The following SLC24A2 variants were observed in gnomAD, a reference collection of about 807,000 sequenced individuals.
SLC24A2 encodes the protein solute carrier family 24 member 2.
SLC24A2 carries 36 observed loss-of-function variants against 62.0 expected under a neutral mutation model. The ratio of observed to expected loss-of-function variants is 0.58; its 90% CI spans 0.44 to 0.77. The LOEUF (loss-of-function observed/expected upper bound fraction) is 0.77, where lower values mean the gene tolerates loss of function less well. SLC24A2 is among the 30% of genes least tolerant of loss of function. The pLI, the probability that SLC24A2 is intolerant of heterozygous loss-of-function variation, is 0.00. For synonymous variants in SLC24A2, 358 were observed against 294.0 expected (o/e 1.22, Z -2.23); for missense variants, 846 against 817.9 (o/e 1.03, Z -0.42).
the SLC24A2 span, among the ~76,000 whole-genome samples, chr9:20,288,738 T>G: frequency 8.2e-6 from 1 of 121,770 alleles, no homozygotes. Context: ...TGAGACTCTG[T>G]CTCAAAAAAA....
the SLC24A2 span, among the ~76,000 whole-genome samples, chr9:20,094,323 C>T: frequency 6.2e-3 from 944 of 152,272 alleles, 5 homozygotes; most frequent in Admixed American, 0.011. Context: ...GAACAACTAA[C>T]AGATAAACTA....
At chr9:19,532,282 G>C (rs765145735) in intron 8 of SLC24A2, among the ~76,000 whole-genome samples, 1 of 152,000 alleles carries the variant, frequency 6.6e-6, no homozygotes, top group Non-Finnish European at 1.5e-5. Context: ...TTTTAGTAGA[G>C]ACAGGGTTTC....
At chr9:20,018,731 G>A in the SLC24A2 span, among the ~76,000 whole-genome samples, 1 of 152,030 alleles carries the variant, frequency 6.6e-6, no homozygotes, top group African/African-American at 2.4e-5. Context: ...TCCCCTGATT[G>A]AGGTAGGTAT....
chr9:19,573,603 C>G, intron 6 of SLC24A2, 134 bp from the exon 7 acceptor site: 1 of 779,024 alleles, frequency 1.3e-6, no homozygotes, highest in South Asian at 1.4e-5. Flanking sequence ...AAAGAGTTTC[C>G]TAAAATGTTG....
chr9:19,850,204 A>T, the SLC24A2 span, among the ~76,000 whole-genome samples: 22 of 152,228 alleles, frequency 1.4e-4, no homozygotes, highest in South Asian at 1.7e-3. Flanking sequence ...TTTAAATTAC[A>T]TTTAATATGA....
the SLC24A2 span, among the ~76,000 whole-genome samples, chr9:19,910,215 A>G: frequency 2.0e-5 from 3 of 152,022 alleles, no homozygotes; most frequent in Non-Finnish European, 4.4e-5. Flanking sequence ...GTGCCATCCT[A>G]TCATCGAAGC....
rs554665858 is a variant in SLC24A2, at chr9:19,573,252, G to A, written c.1347+99C>T. On this transcript the variant is annotated intron_variant, in intron 7 of 10. Transcript: ENST00000341998. Reference sequence around the variant, plus strand: ...GGCCCTACCTGATTCCTGCCCAGCTGAGAGCTGGGGCTTCCAAGGAGAATA... The same window carrying A: ...GGCCCTACCTGATTCCTGCCCAGCTAAGAGCTGGGGCTTCCAAGGAGAATA... 7.3e-6 allele frequency: 6 copies of A among 825,222 alleles called. No individual in the cohort carries two copies. The East Asian group carries it at 1.0e-4, about 14-fold the overall frequency. The allele number at this position is 825,222 out of a possible 1,614,324, so 51.1% of individuals were successfully genotyped here. A position where few individuals can be genotyped will look rare whatever the true frequency, so the allele number is the denominator to read the frequency against.
rs945001839 is a variant in SLC24A2 at position 19,715,036 on chromosome 9, C to T, written c.930+70901G>A. Among the ~76,000 whole-genome samples, 21 of 152,074 alleles carry T rather than the reference C, an allele frequency of 1.4e-4. 1 individual carries two copies. The highest frequency in any genetic ancestry group is 4.6e-4 in the African/African-American group (19 of 41,482). ...TTCTAAGGTGCCTCAACCTTTCCCC[C>T]TAACTCCATCCTTACCACCACCACC... On this transcript the variant is annotated intron_variant, in intron 2 of 10. Transcript: ENST00000341998.
At chr9:19,770,622 G>A (rs1822657572) in intron 2 of SLC24A2, among the ~76,000 whole-genome samples, 2 of 152,124 alleles carry the variant, frequency 1.3e-5, no homozygotes, top group African/African-American at 4.8e-5. Flanking sequence ...ACTTCCTGAT[G>A]GAGAAAATTG....
At chr9:19,648,964 G>C (rs1036311435) in intron 2 of SLC24A2, among the ~76,000 whole-genome samples, 3 of 142,358 alleles carry the variant, frequency 2.1e-5, no homozygotes, top group African/African-American at 5.2e-5. Context: ...TCCAAAATGA[G>C]AGGGCTTAGT....
intron 2 of SLC24A2, among the ~76,000 whole-genome samples, chr9:19,754,671 G>A (rs1417156622): frequency 6.7e-6 from 1 of 149,708 alleles, no homozygotes; most frequent in East Asian, 2.0e-4. Flanking sequence ...TTAATAACCT[G>A]TGGTGTTTTG....
At chr9:20,215,217 G>A in the SLC24A2 span, among the ~76,000 whole-genome samples, 2 of 152,182 alleles carry the variant, frequency 1.3e-5, no homozygotes, top group East Asian at 3.9e-4. Context: ...TCTTTTATAA[G>A]GACTCTACTC....
At chr9:20,219,118 C>G in the SLC24A2 span, among the ~76,000 whole-genome samples, 2 of 152,184 alleles carry the variant, frequency 1.3e-5, no homozygotes, top group African/African-American at 4.8e-5. Flanking sequence ...TTTTGAGTTA[C>G]TCAATGGAGT....
intron 7 of SLC24A2, among the ~76,000 whole-genome samples, chr9:19,558,190 T>C (rs1181237792): frequency 1.3e-5 from 2 of 152,110 alleles, no homozygotes; most frequent in Non-Finnish European, 2.9e-5. Context: ...ACGGCAGCAT[T>C]GAAAGTGAAA....
chr9:19,855,409 T>C, the SLC24A2 span, among the ~76,000 whole-genome samples: 2 of 152,184 alleles, frequency 1.3e-5, no homozygotes, highest in African/African-American at 2.4e-5. Context: ...CTTGAGTGTG[T>C]TTTGTGGTGG....
chr9:19,692,982 G>C (rs961454273), intron 2 of SLC24A2, among the ~76,000 whole-genome samples: 4 of 152,098 alleles, frequency 2.6e-5, no homozygotes, highest in African/African-American at 9.7e-5. Flanking sequence ...CTTCTAACAG[G>C]TTGTGTTTCT....
At chr9:20,292,117 C>T in the SLC24A2 span, among the ~76,000 whole-genome samples, 1 of 152,184 alleles carries the variant, frequency 6.6e-6, no homozygotes, top group South Asian at 2.1e-4. Context: ...CGCAACACAG[C>T]AGAGGGTACT....
the SLC24A2 span, among the ~76,000 whole-genome samples, chr9:20,130,365 T>C: frequency 6.6e-6 from 1 of 151,620 alleles, no homozygotes; most frequent in Non-Finnish European, 1.5e-5. Flanking sequence ...TGGAAAATAA[T>C]AGGGAGAGAG....
At chr9:19,592,219 G>C (rs1023197154) in intron 5 of SLC24A2, among the ~76,000 whole-genome samples, 1 of 152,094 alleles carries the variant, frequency 6.6e-6, no homozygotes. Flanking sequence ...TTGGTAAAGG[G>C]GCAGTTGGTT....
Sources: allele counts gnomAD v4.1 joint callset (sites outside exome capture counted in the v4.1 genomes callset), GRCh38; gene constraint gnomAD v4.1.1; transcripts MANE v1.5; gene names NCBI Gene and HGNC (gene_info 2026-07-23, HGNC 2026-07-21).